Variants in CCDC40 observed in about 807,000 individuals in gnomAD.
The protein encoded by CCDC40 is coiled-coil domain 40 molecular ruler complex subunit.
In CCDC40, 104 loss-of-function variants were observed where a neutral mutation model predicts 124.5. The observed-to-expected ratio is 0.84, with a 90% CI of 0.71 to 0.98. CCDC40 has a LOEUF of 0.98. Among genes scored for constraint, CCDC40 ranks in the 50% least tolerant of loss-of-function variants. The pLI is 0.00. For synonymous variants in CCDC40, 580 were observed against 602.9 expected, an observed-to-expected ratio of 0.96 and a Z score of 0.56; for missense variants, 1,463 against 1,503.9, an observed-to-expected ratio of 0.97 and a Z score of 0.45.
rs2143649692 is a variant in CCDC40, at chr17:80,058,752, G to A, written c.1317+101G>A. On this transcript the variant is annotated intron_variant, in intron 8 of 19. Coordinates refer to ENST00000397545, the MANE Select transcript of CCDC40 (RefSeq NM_017950.4). The surrounding 1 kb of genome is among the most constrained non-coding windows in gnomAD (Gnocchi z 4.2). Reference sequence around the variant, plus strand: ...TGCGTGAAGGCTTCCGGCCGGAGGGGTGGCGGCCGGCCTGGGTGGCGTCAA... The same window carrying A: ...TGCGTGAAGGCTTCCGGCCGGAGGGATGGCGGCCGGCCTGGGTGGCGTCAA... The A allele has an allele frequency of 6.2e-7, 1 of 1,601,972 alleles. No individual in the cohort carries two copies.
At chr17:80,080,127 G>T (rs1032710559) in intron 10 of CCDC40, among the ~76,000 whole-genome samples, 2 of 152,036 alleles carry the variant, frequency 1.3e-5, no homozygotes, top group Admixed American at 6.6e-5. Context: ...TGAGTGGCTT[G>T]AGGCTGCAGT....
chr17:80,095,126 C>A, intron 17 of CCDC40, 137 bp from the exon 18 acceptor site: 2 of 780,248 alleles, frequency 2.6e-6, no homozygotes, highest in Non-Finnish European at 2.2e-6. Context: ...TTCCTCCTGG[C>A]GGCACAGGCC....
intron 12 of CCDC40, 75 bp downstream of exon 12, chr17:80,082,133 G>A: frequency 1.6e-6 from 2 of 1,277,090 alleles, no homozygotes; most frequent in Non-Finnish European, 2.3e-6. Flanking sequence ...CCGTCCTGGA[G>A]GCGGAGAGGG....
chr17:80,084,708 G>A (rs757394594), intron 12 of CCDC40, 35 bp from the exon 13 acceptor site: 6 of 1,612,370 alleles, frequency 3.7e-6, no homozygotes, highest in Non-Finnish European at 5.1e-6. Flanking sequence ...TTGGGTGGGG[G>A]CAATATTCAC....
intron 2 of CCDC40, among the ~76,000 whole-genome samples, chr17:80,039,443 C>G (rs904342659): frequency 1.3e-5 from 2 of 149,858 alleles, no homozygotes; most frequent in African/African-American, 4.9e-5. Context: ...GACAGAGTCT[C>G]ACTCTGTCTC....
In CCDC40 at chr17:80,058,588, G is replaced by A; in HGVS notation, c.1254G>A (p.Met418Ile). The A allele has an allele frequency of 1.2e-6, 2 of 1,614,214 alleles. No homozygotes were observed. The highest frequency in any genetic ancestry group is 1.7e-6 in the Non-Finnish European group (2 of 1,180,028). The change falls in exon 8 of 20, where the codon ATG becomes ATA. Residue 418 changes from methionine to isoleucine, a missense_variant. By Grantham distance (10) the Met-to-Ile change is conservative (BLOSUM62 1). Transcript: ENST00000397545. The surrounding 1 kb of genome is among the most constrained non-coding windows in gnomAD (Gnocchi z 4.2). ...DQDMRDDIRV[M>I]TQVVKKAETE... ...ACATGCGTGACGACATCCGCGTGAT[G>A]ACACAAGTGGTAAAGAAGGCCGAGA...
chr17:80,061,448 A>C (rs1294894089), intron 9 of CCDC40, among the ~76,000 whole-genome samples: 1 of 152,254 alleles, frequency 6.6e-6, no homozygotes, highest in African/African-American at 2.4e-5. Flanking sequence ...GGAGACAGGC[A>C]GGAGAAGACA....
At position 80,099,820 on chromosome 17, in the gene CCDC40, C is replaced by G. The variant is rs776049093; in HGVS notation, c.*45C>G. 1.2e-6 allele frequency: 2 copies of G among 1,603,970 alleles called. No homozygotes were observed. Among genetic ancestry groups the G allele is most frequent in the Admixed American group, 3.3e-5 (2 of 59,816 alleles). Reference sequence around the variant, plus strand: ...CTTGCAAGGCCTCCAGGAAGAGATCCGGAATTGTGTTTGTCATGAGGGACT... The same window carrying G: ...CTTGCAAGGCCTCCAGGAAGAGATCGGGAATTGTGTTTGTCATGAGGGACT... On this transcript the variant is annotated 3_prime_UTR_variant, in exon 20 of 20. Transcript: ENST00000397545.
chr17:80,037,559 C>T (rs941166329), intron 1 of CCDC40, among the ~76,000 whole-genome samples: 2 of 151,220 alleles, frequency 1.3e-5, no homozygotes, highest in African/African-American at 4.9e-5. Context: ...GAATGTGGTC[C>T]TAAATGTTAT....
At chr17:80,065,027 C>T (rs1568690496) in intron 9 of CCDC40, among the ~76,000 whole-genome samples, 1 of 146,972 alleles carries the variant, frequency 6.8e-6, no homozygotes, top group African/African-American at 2.6e-5. Context: ...CCTCCTCTCC[C>T]TCTTCCTCTC....
In CCDC40 at chr17:80,089,902, G is replaced by T. The variant is rs1475989935; in HGVS notation, c.2832+18G>T. 6.2e-7 allele frequency: 1 copy of T among 1,613,652 alleles called. No homozygotes were observed. Among genetic ancestry groups the T allele is most frequent in the Non-Finnish European group, 8.5e-7 (1 of 1,179,870 alleles). On this transcript the variant is annotated intron_variant, in intron 17 of 19. Coordinates refer to ENST00000397545, the MANE Select transcript of CCDC40 (RefSeq NM_017950.4). ...GGATGAAGGTGAGGGGAGGAGAGCG[G>T]CGTGGCAGGGCCTGCTGGGTGCCAG...
Position 80,037,688 on chromosome 17 carries a change from AAGATATAC to A in CCDC40, c.30-433_30-426del, listed in dbSNP as rs1471050997. 1.9e-3 allele frequency among the ~76,000 whole-genome samples: 89 copies of A among 45,712 alleles called. 2 individuals carry two copies. The highest frequency in any genetic ancestry group is 5.6e-3 in the Admixed American group (23 of 4,116). The allele number at this position is 45,712 out of a possible 152,430, so 30.0% of individuals were successfully genotyped here. On this transcript the variant is annotated intron_variant, in intron 1 of 19. Coordinates refer to ENST00000397545, the MANE Select transcript of CCDC40 (RefSeq NM_017950.4). ...AGCTTGAATCTTTAATTTTTTAAAA[AAGATATAC>A]ATATATATATATATATATATATATT... is the stretch of plus-strand genomic sequence containing the variant.
At chr17:80,071,071 G>T (rs546566998) in intron 10 of CCDC40, among the ~76,000 whole-genome samples, 1 of 152,326 alleles carries the variant, frequency 6.6e-6, no homozygotes, top group South Asian at 2.1e-4. Context: ...GAATAACCAC[G>T]AGGAGCCCAC....
intron 9 of CCDC40, among the ~76,000 whole-genome samples, chr17:80,060,714 C>G (rs2037874297): frequency 6.6e-6 from 1 of 152,052 alleles, no homozygotes; most frequent in Non-Finnish European, 1.5e-5. Flanking sequence ...CCGTAAAGTT[C>G]TAGAGGCTAA....
Position 80,050,232 on chromosome 17 carries a change from C to T in CCDC40, c.1108C>T (p.Arg370Cys), listed in dbSNP as rs573323543. The change falls in exon 7 of 20, where the codon CGC (arginine) becomes TGC (cysteine). Residue 370 changes from arginine to cysteine, a missense_variant. Arg to Cys is a radical substitution (Grantham distance 180). Coordinates refer to ENST00000397545, the MANE Select transcript of CCDC40 (RefSeq NM_017950.4). ...RQKEEELQAA[R>C]ALYTKTCAAA... ...GAAGGAGGAGGAGCTGCAGGCCGCC[C>T]GCGCTCTCTACACCAAGACCTGCGC... 18 of 1,598,892 alleles carry T rather than the reference C, an allele frequency of 1.1e-5. No homozygotes were observed. The highest frequency in any genetic ancestry group is 2.2e-4 in the Middle Eastern group (1 of 4,562).
Position 80,087,476 on chromosome 17 carries a change from G to A in CCDC40, c.2450-131G>A, listed in dbSNP as rs904812574. On this transcript the variant is annotated intron_variant, in intron 14 of 19. Coordinates refer to ENST00000397545, the MANE Select transcript of CCDC40 (RefSeq NM_017950.4). This position sits in a 1 kb window ranked among gnomAD's most constrained non-coding sequence, Gnocchi z 4.5. The stretch of plus-strand genomic sequence containing the variant: ...AGATTCAGGCAGGAGCGCCAGGAAC[G>A]ACAAGAGGGAGGGGATGAAGGGAGC... 6.2e-5 allele frequency: 46 copies of A among 739,312 alleles called. No homozygotes were observed. Among genetic ancestry groups the A allele is most frequent in the African/African-American group, 3.5e-5 (2 of 57,648 alleles). The allele number at this position is 739,312 out of a possible 1,614,324, so 45.8% of individuals were successfully genotyped here. A position where few individuals can be genotyped will look rare whatever the true frequency, so the allele number is the denominator to read the frequency against.
chr17:80,088,593 G>A (rs1436010255), intron 16 of CCDC40, among the ~76,000 whole-genome samples: 1 of 152,202 alleles, frequency 6.6e-6, no homozygotes, highest in Non-Finnish European at 1.5e-5. Context: ...GCTCCTTTGG[G>A]GCCAGGAGTT....
intron 7 of CCDC40, among the ~76,000 whole-genome samples, chr17:80,050,787 C>T (rs557059187): frequency 0.012 from 1,785 of 152,306 alleles, 44 homozygotes; most frequent in African/African-American, 0.041. Flanking sequence ...GCAGCAAATG[C>T]TGAAGCTGCT....
At chr17:80,040,851 A>G (rs577161093) in intron 3 of CCDC40, among the ~76,000 whole-genome samples, 1 of 152,246 alleles carries the variant, frequency 6.6e-6, no homozygotes, top group East Asian at 1.9e-4. Context: ...CCAGAGCAGC[A>G]TTGTCCAATA....
Sources: gnomAD v4.1 joint callset for allele counts (sites outside exome capture counted in the v4.1 genomes callset) on GRCh38, gnomAD v4.1.1 for gene constraint, Gnocchi (gnomAD v3.1) non-coding constraint, MANE v1.5 for transcripts, NCBI Gene and HGNC (gene_info 2026-07-23, HGNC 2026-07-21) for gene names.